FGD6: variants seen among roughly 807,000 people sequenced by gnomAD.
FGD6 encodes FYVE, RhoGEF and PH domain-containing protein 6.
Under a neutral mutation model 149.4 loss-of-function variants are expected in FGD6, and 90 were observed. The ratio of observed to expected loss-of-function variants is 0.60; its 90% CI spans 0.51 to 0.72. The LOEUF is 0.72. Ranked by LOEUF, FGD6 falls within the 30% of genes least tolerant of loss-of-function variation. The pLI is 0.00. For synonymous variants in FGD6, 527 were observed against 584.0 expected (o/e 0.90, Z 1.41); for missense variants, 1,437 against 1,684.8 (o/e 0.85, Z 2.57).
Position 95,210,942 on chromosome 12 carries a change from A to G in FGD6, c.342T>C (p.Ser114=). ...TATGGCCCAGCTTATGGATACACTC[A>G]GAACTGCAGGAACACATTGGTGAAA... ...DYISPMCSCS[S]ECIHKLGHRE... The change falls in exon 2 of 21, where the codon TCT becomes TCC. Residue 114 remains serine (S), a synonymous_variant. Coordinates refer to ENST00000343958, the MANE Select transcript of FGD6 (RefSeq NM_018351.4). The G allele has an allele frequency of 6.2e-7, 1 of 1,614,234 alleles. No homozygotes were observed. The highest frequency in any genetic ancestry group is 8.5e-7 in the Non-Finnish European group (1 of 1,180,048).
chr12:95,101,523 G>T (rs903796296), intron 14 of FGD6, among the ~76,000 whole-genome samples: 1 of 151,908 alleles, frequency 6.6e-6, no homozygotes, highest in Non-Finnish European at 1.5e-5. Flanking sequence ...TTTCACCAAG[G>T]CTCATTTTTA....
intron 3 of FGD6, among the ~76,000 whole-genome samples, chr12:95,169,550 C>T (rs1291838025): frequency 6.6e-6 from 1 of 152,096 alleles, no homozygotes; most frequent in African/African-American, 2.4e-5. Flanking sequence ...AGTGAGTCAA[C>T]CAGGCGGTGT....
chr12:95,191,768 G>A (rs371867965), intron 2 of FGD6, among the ~76,000 whole-genome samples: 7 of 151,998 alleles, frequency 4.6e-5, no homozygotes, highest in African/African-American at 4.8e-5. Flanking sequence ...AGACAGTTTC[G>A]TTCTTGTTGC....
At chr12:95,152,042 T>G (rs968780405) in intron 5 of FGD6, among the ~76,000 whole-genome samples, 5 of 152,056 alleles carry the variant, frequency 3.3e-5, no homozygotes, top group African/African-American at 4.8e-5. Context: ...TTGACAATTA[T>G]AGGCTGGCTG....
Position 95,188,050 on chromosome 12 carries a change from C to A in FGD6, c.2442-15306G>T, listed in dbSNP as rs137876299. On this transcript the variant is annotated intron_variant, in intron 2 of 20. Transcript: ENST00000343958. ...TTGCTTAATAATGATCACATTGATG[C>A]GACAAAGGCCAAGGTGGCCGATGAA... is the stretch of plus-strand genomic sequence containing the variant. 2.3e-3 allele frequency among the ~76,000 whole-genome samples: 355 copies of A among 152,226 alleles called. 9 individuals carry two copies. The highest frequency in any genetic ancestry group is 0.019 in the Admixed American group (294 of 15,280).
At chr12:95,199,349 T>A (rs1881807789) in intron 2 of FGD6, among the ~76,000 whole-genome samples, 1 of 152,184 alleles carries the variant, frequency 6.6e-6, no homozygotes, top group Non-Finnish European at 1.5e-5. Flanking sequence ...TTAACAGACA[T>A]ATGTTAATTT....
intron 8 of FGD6, chr12:95,126,467 G>A (rs1390316211): frequency 2.6e-6 from 2 of 775,016 alleles, no homozygotes. Context: ...GGTGGCTCAC[G>A]CCTGTAATCC....
intron 1 of FGD6, among the ~76,000 whole-genome samples, chr12:95,217,015 G>T (rs1565931649): frequency 6.6e-6 from 1 of 152,194 alleles, no homozygotes; most frequent in African/African-American, 2.4e-5. Context: ...GGGAGATCCC[G>T]AGAAATCCCG....
intron 3 of FGD6, among the ~76,000 whole-genome samples, chr12:95,156,104 A>G (rs1025753439): frequency 6.6e-6 from 1 of 152,170 alleles, no homozygotes; most frequent in Admixed American, 6.5e-5. Context: ...TAACTGCACA[A>G]ATTGTTTGTA....
At chr12:95,086,804 C>T (rs1421628345) in intron 18 of FGD6, among the ~76,000 whole-genome samples, 1 of 150,420 alleles carries the variant, frequency 6.6e-6, no homozygotes, top group African/African-American at 2.4e-5. Flanking sequence ...CCTTGGCCTC[C>T]CAAAGTGCTG....
At chr12:95,112,173 G>T (rs1275338439) in intron 9 of FGD6, among the ~76,000 whole-genome samples, 1 of 151,984 alleles carries the variant, frequency 6.6e-6, no homozygotes, top group Non-Finnish European at 1.5e-5. Context: ...GGTTGAGGCT[G>T]CAGTGAGCCG....
chr12:95,119,218 C>A (rs1168296699), intron 8 of FGD6, among the ~76,000 whole-genome samples: 1 of 152,118 alleles, frequency 6.6e-6, no homozygotes, highest in Non-Finnish European at 1.5e-5. Flanking sequence ...GTGTTAATAT[C>A]CTCATGCATA....
intron 5 of FGD6, among the ~76,000 whole-genome samples, chr12:95,149,757 T>C (rs1334998161): frequency 1.4e-5 from 2 of 145,540 alleles, no homozygotes; most frequent in Non-Finnish European, 3.0e-5. Context: ...TGACTATACA[T>C]ATAGTATTAT....
At chr12:95,139,742 G>A (rs1879788671) in intron 6 of FGD6, among the ~76,000 whole-genome samples, 1 of 149,890 alleles carries the variant, frequency 6.7e-6, no homozygotes, top group South Asian at 2.1e-4. Context: ...TGCAGCCTCC[G>A]CCTCCCAGTT....
intron 2 of FGD6, among the ~76,000 whole-genome samples, chr12:95,173,490 T>C (rs368442727): frequency 6.6e-6 from 1 of 152,124 alleles, no homozygotes; most frequent in Non-Finnish European, 1.5e-5. Flanking sequence ...ATTTACCAAT[T>C]CCTCCTTGCC....
chr12:95,149,861 AT>A (rs1880244671), intron 5 of FGD6, among the ~76,000 whole-genome samples: 1 of 146,768 alleles, frequency 6.8e-6, no homozygotes, highest in Non-Finnish European at 1.5e-5. Flanking sequence ...TAAAATATGT[AT>A]AATATATAAT....
intron 2 of FGD6, among the ~76,000 whole-genome samples, chr12:95,205,502 A>G (rs2056688213): frequency 6.6e-6 from 1 of 152,198 alleles, no homozygotes; most frequent in Non-Finnish European, 1.5e-5. Context: ...CCCAGCAGAA[A>G]AATCTTAAAC....
At chr12:95,111,281 AC>A in intron 9 of FGD6, among the ~76,000 whole-genome samples, 2 of 152,178 alleles carry the variant, frequency 1.3e-5, no homozygotes, top group African/African-American at 4.8e-5. Flanking sequence ...ACGCCCGGCC[AC>A]TGCTCACCAT....
At chr12:95,102,505 A>G (rs1049040186) in intron 14 of FGD6, among the ~76,000 whole-genome samples, 1 of 151,748 alleles carries the variant, frequency 6.6e-6, no homozygotes, top group Non-Finnish European at 1.5e-5. Context: ...AAAAAGTCAC[A>G]ATGCTAAGTG....
Sources: gnomAD v4.1 joint callset for allele counts (sites outside exome capture counted in the v4.1 genomes callset) on GRCh38, gnomAD v4.1.1 for gene constraint, MANE v1.5 for transcripts, NCBI Gene and HGNC (gene_info 2026-07-23, HGNC 2026-07-21) for gene names.